Variants in ATXN7L1 observed in about 807,000 individuals in gnomAD.
ATXN7L1 encodes the protein ataxin 7 like 1.
In ATXN7L1, 15 loss-of-function variants were observed where a neutral mutation model predicts 70.8. The observed-to-expected ratio is 0.21, with a 90% CI of 0.14 to 0.33. The LOEUF is 0.33. ATXN7L1 is among the 10% of genes least tolerant of loss of function. ATXN7L1 has a pLI of 1.00. For synonymous variants in ATXN7L1, 440 were observed against 445.1 expected, an observed-to-expected ratio of 0.99 and a Z score of 0.14; for missense variants, 975 against 1,097.1, an observed-to-expected ratio of 0.89 and a Z score of 1.57.
intron 7 of ATXN7L1, among the ~76,000 whole-genome samples, chr7:105,635,176 G>A (rs933375888): frequency 1.3e-5 from 2 of 152,124 alleles, no homozygotes; most frequent in African/African-American, 2.4e-5. Flanking sequence ...AGCTTCCTGC[G>A]GGCTCTCAGC....
chr7:105,631,525 G>A (rs1018418359), intron 7 of ATXN7L1, among the ~76,000 whole-genome samples: 7 of 152,206 alleles, frequency 4.6e-5, no homozygotes, highest in Admixed American at 3.3e-4. Context: ...AGAGTGCAGC[G>A]GTGCCATCTC....
chr7:105,838,472 G>C (rs1812729521), intron 2 of ATXN7L1, among the ~76,000 whole-genome samples: 1 of 152,200 alleles, frequency 6.6e-6, no homozygotes, highest in South Asian at 2.1e-4. Flanking sequence ...AACCAGGAGA[G>C]AAACAGCTGC....
intron 3 of ATXN7L1, among the ~76,000 whole-genome samples, chr7:105,735,851 T>C (rs1297473063): frequency 6.6e-6 from 1 of 152,194 alleles, no homozygotes; most frequent in Non-Finnish European, 1.5e-5. Flanking sequence ...TAATTAATCA[T>C]ATATTAATTA....
At chr7:105,867,279 C>T (rs1817626058) in intron 2 of ATXN7L1, among the ~76,000 whole-genome samples, 2 of 152,228 alleles carry the variant, frequency 1.3e-5, no homozygotes, top group Admixed American at 1.3e-4. Flanking sequence ...CCATTTCAGA[C>T]ATATCCCGTG....
At chr7:105,679,812 G>T (rs1260612197) in intron 3 of ATXN7L1, among the ~76,000 whole-genome samples, 1 of 152,020 alleles carries the variant, frequency 6.6e-6, no homozygotes, top group Non-Finnish European at 1.5e-5. Context: ...TGCTTAATGG[G>T]CACAGGGTCT....
At chr7:105,858,204 C>A (rs1050148339) in intron 2 of ATXN7L1, among the ~76,000 whole-genome samples, 1 of 152,122 alleles carries the variant, frequency 6.6e-6, no homozygotes, top group African/African-American at 2.4e-5. Flanking sequence ...GCACTTCAGC[C>A]TGGGCAACAG....
intron 2 of ATXN7L1, among the ~76,000 whole-genome samples, chr7:105,791,140 T>C (rs1234918282): frequency 1.3e-5 from 2 of 152,234 alleles, no homozygotes; most frequent in Non-Finnish European, 2.9e-5. Flanking sequence ...AGGAAGCCTA[T>C]GATTGAAAGA....
chr7:105,675,241 A>G (rs75886222), intron 3 of ATXN7L1, among the ~76,000 whole-genome samples: 13 of 152,352 alleles, frequency 8.5e-5, no homozygotes, highest in African/African-American at 2.9e-4. Flanking sequence ...TCTCAACCTA[A>G]GAAAATGTAT....
intron 3 of ATXN7L1, among the ~76,000 whole-genome samples, chr7:105,768,652 A>G (rs1801592649): frequency 6.6e-6 from 1 of 152,210 alleles, no homozygotes; most frequent in South Asian, 2.1e-4. Context: ...TGCTGAAGGG[A>G]TTTATTCCCA....
intron 10 of ATXN7L1, among the ~76,000 whole-genome samples, chr7:105,613,218 C>T (rs1793322245): frequency 6.6e-6 from 1 of 152,224 alleles, no homozygotes; most frequent in Non-Finnish European, 1.5e-5. Flanking sequence ...AGCTTCCTCA[C>T]CATACACACT....
intron 3 of ATXN7L1, 143 bp from the exon 4 acceptor site, chr7:105,665,431 G>A (rs2116070029): frequency 1.5e-6 from 1 of 659,818 alleles, no homozygotes; most frequent in South Asian, 1.9e-5. Context: ...AGGTTCTGAT[G>A]AGACGATTTG....
intron 4 of ATXN7L1, among the ~76,000 whole-genome samples, chr7:105,650,555 G>GT (rs1452530755): frequency 6.6e-6 from 1 of 152,238 alleles, no homozygotes; most frequent in Non-Finnish European, 1.5e-5. Flanking sequence ...AGACCACACA[G>GT]TTACCAGGTG....
At chr7:105,678,092 C>CTTTT in intron 3 of ATXN7L1, 11 of 520,650 alleles carry the variant, frequency 2.1e-5, no homozygotes, top group South Asian at 8.5e-5. Flanking sequence ...CAGACACATA[C>CTTTT]TTTTTTTTTT....
chr7:105,620,329 GAA>G lies in ATXN7L1; in HGVS notation c.1396-10_1396-9del, dbSNP rs554942868. The G allele has an allele frequency of 1.3e-6, 2 of 1,523,920 alleles. No homozygotes were observed. Among genetic ancestry groups the G allele is most frequent in the Non-Finnish European group, 8.8e-7 (1 of 1,137,002 alleles). The allele number at this position is 1,523,920 out of a possible 1,614,324, so 94.4% of individuals were successfully genotyped here. On this transcript the variant is annotated splice_polypyrimidine_tract_variant and intron_variant, in intron 8 of 11. Transcript: ENST00000419735. The stretch of plus-strand genomic sequence containing the variant: ...ACTCCCAAATGAGCAAAACTGTGAG[GAA>G]AAAAAAATTTTAATTTTGATTACAG...
intron 2 of ATXN7L1, among the ~76,000 whole-genome samples, chr7:105,790,967 G>A (rs186398352): frequency 9.2e-5 from 14 of 152,284 alleles, no homozygotes; most frequent in Non-Finnish European, 1.0e-4. Context: ...TGGTTCCCCT[G>A]ACCACGATCC....
chr7:105,856,803 A>G (rs987794233), intron 2 of ATXN7L1, among the ~76,000 whole-genome samples: 19 of 149,222 alleles, frequency 1.3e-4, no homozygotes, highest in South Asian at 4.3e-4. Context: ...GTGTGTGTGT[A>G]TGTGTGTGTG....
chr7:105,870,636 A>T (rs555753243), intron 2 of ATXN7L1, among the ~76,000 whole-genome samples: 1 of 151,716 alleles, frequency 6.6e-6, no homozygotes, highest in East Asian at 1.9e-4. Context: ...GGTATTCTTT[A>T]AAAAAAAATT....
At chr7:105,618,262 G>C (rs1794222982) in intron 9 of ATXN7L1, among the ~76,000 whole-genome samples, 1 of 152,218 alleles carries the variant, frequency 6.6e-6, no homozygotes, top group Admixed American at 6.5e-5. Flanking sequence ...AACAAGAGCA[G>C]AGGCTCAATC....
At chr7:105,737,858 A>G (rs776992557) in intron 3 of ATXN7L1, among the ~76,000 whole-genome samples, 6 of 152,194 alleles carry the variant, frequency 3.9e-5, no homozygotes, top group Non-Finnish European at 5.9e-5. Flanking sequence ...AGGTGACAAG[A>G]GTCCAATGGC....
Sources: gnomAD v4.1 joint callset for allele counts (sites outside exome capture counted in the v4.1 genomes callset) on GRCh38, gnomAD v4.1.1 for gene constraint, MANE v1.5 for transcripts, NCBI Gene and HGNC (gene_info 2026-07-23, HGNC 2026-07-21) for gene names.